LRRC4C: variants seen among roughly 807,000 people sequenced by gnomAD.
The protein encoded by LRRC4C is leucine rich repeat containing 4C, also known as leucine-rich repeat-containing protein 4C.
Under a neutral mutation model 33.6 loss-of-function variants are expected in LRRC4C, and 5 were observed. That is an observed-to-expected ratio of 0.15 (90% CI 0.08 to 0.31). LRRC4C has a LOEUF of 0.31. Among genes scored for constraint, LRRC4C ranks in the 10% least tolerant of loss-of-function variants. The pLI is 1.00. For missense variants in LRRC4C, 560 were observed against 796.7 expected (o/e 0.70, Z 3.58); for synonymous variants, 329 against 302.0 (o/e 1.09, Z -0.93).
At chr11:41,095,492 A>T (rs997993180) in intron 1 of LRRC4C, among the ~76,000 whole-genome samples, 1 of 152,190 alleles carries the variant, frequency 6.6e-6, no homozygotes, top group African/African-American at 2.4e-5. Context: ...ACTCTTCTCC[A>T]TGGGAAGAAA....
chr11:41,123,254 ATGTTTTGTTTTTTTTT>A (rs1565403956), intron 1 of LRRC4C, among the ~76,000 whole-genome samples: 2 of 84,978 alleles, frequency 2.4e-5, no homozygotes, highest in South Asian at 4.1e-4. Flanking sequence ...ATCCTGAGCT[ATGTTTTGTTTTTTTTT>A]TTTTTTTTTT....
At chr11:40,571,533 G>C (rs141687420) in intron 3 of LRRC4C, among the ~76,000 whole-genome samples, 1 of 152,060 alleles carries the variant, frequency 6.6e-6, no homozygotes, top group Non-Finnish European at 1.5e-5. Flanking sequence ...CAAAGGAACC[G>C]TCTACAACTA....
At chr11:41,233,660 T>C (rs1947898066) in intron 1 of LRRC4C, among the ~76,000 whole-genome samples, 1 of 152,048 alleles carries the variant, frequency 6.6e-6, no homozygotes, top group Admixed American at 6.6e-5. Flanking sequence ...TCAATAGCTG[T>C]ACATTTTTAT....
chr11:40,871,277 G>T (rs1474951837), intron 2 of LRRC4C, among the ~76,000 whole-genome samples: 2 of 152,122 alleles, frequency 1.3e-5, no homozygotes, highest in East Asian at 3.9e-4. Flanking sequence ...ACCTTGTGAA[G>T]CCTGTGATCT....
chr11:41,044,734 A>G (rs189355675), intron 1 of LRRC4C, among the ~76,000 whole-genome samples: 1 of 152,244 alleles, frequency 6.6e-6, no homozygotes. Flanking sequence ...AGTGGAGAAA[A>G]CTGTCTTCAA....
intron 1 of LRRC4C, among the ~76,000 whole-genome samples, chr11:41,127,418 ATTATG>A (rs1245963494): frequency 6.6e-6 from 1 of 152,088 alleles, no homozygotes; most frequent in African/African-American, 2.4e-5. Flanking sequence ...ATATGGAAGT[ATTATG>A]TTATAATTCA....
intron 2 of LRRC4C, among the ~76,000 whole-genome samples, chr11:40,705,876 T>G (rs927553990): frequency 6.6e-6 from 1 of 152,136 alleles, no homozygotes; most frequent in African/African-American, 2.4e-5. Flanking sequence ...TGTTGTTTCC[T>G]GACTTTTTAA....
intron 3 of LRRC4C, among the ~76,000 whole-genome samples, chr11:40,510,899 A>C (rs17406814): frequency 0.14 from 21,475 of 152,208 alleles, 1,934 homozygotes; most frequent in Non-Finnish European, 0.2. Context: ...ATTGGGCAAA[A>C]ATTTTTGAAA....
At chr11:40,462,212 C>A (rs547338443) in intron 3 of LRRC4C, among the ~76,000 whole-genome samples, 2 of 151,996 alleles carry the variant, frequency 1.3e-5, no homozygotes, top group African/African-American at 4.8e-5. Flanking sequence ...ACTAAACATT[C>A]TTTCTATTCA....
chr11:40,138,593 G>C (rs1408581197), intron 6 of LRRC4C, among the ~76,000 whole-genome samples: 2 of 152,200 alleles, frequency 1.3e-5, no homozygotes, highest in Non-Finnish European at 2.9e-5. Context: ...CTGTGGTGGG[G>C]CCTGAACTTG....
intron 1 of LRRC4C, among the ~76,000 whole-genome samples, chr11:41,331,767 A>C (rs1951302282): frequency 6.6e-6 from 1 of 152,194 alleles, no homozygotes; most frequent in African/African-American, 2.4e-5. Context: ...TACAGCCTAA[A>C]TATTGGGCAC....
intron 2 of LRRC4C, among the ~76,000 whole-genome samples, chr11:40,756,486 A>T (rs1948953165): frequency 6.6e-6 from 1 of 152,026 alleles, no homozygotes; most frequent in Non-Finnish European, 1.5e-5. Context: ...GCTGCCAGGG[A>T]TTTAAAAAGT....
intron 2 of LRRC4C, among the ~76,000 whole-genome samples, chr11:40,662,462 A>C (rs1487604524): frequency 6.6e-6 from 1 of 152,178 alleles, no homozygotes; most frequent in Non-Finnish European, 1.5e-5. Flanking sequence ...AGACCCTTAA[A>C]AAAGAGTTTG....
At chr11:40,567,009 A>T (rs1957793162) in intron 3 of LRRC4C, among the ~76,000 whole-genome samples, 2 of 152,228 alleles carry the variant, frequency 1.3e-5, no homozygotes, top group East Asian at 3.9e-4. Context: ...ATTTTGTATA[A>T]TAAATGGTGT....
intron 3 of LRRC4C, among the ~76,000 whole-genome samples, chr11:40,405,124 C>T (rs1443799169): frequency 6.6e-6 from 1 of 151,740 alleles, no homozygotes; most frequent in Middle Eastern, 3.2e-3. Flanking sequence ...GTTGTATTCT[C>T]TCTACATATA....
chr11:41,276,749 T>C (rs1434616054), intron 1 of LRRC4C, among the ~76,000 whole-genome samples: 1 of 152,226 alleles, frequency 6.6e-6, no homozygotes, highest in Admixed American at 6.5e-5. Flanking sequence ...GTACACCCAA[T>C]GTAATCACAA....
chr11:40,974,828 A>T (rs899990778), intron 1 of LRRC4C, among the ~76,000 whole-genome samples: 1 of 152,184 alleles, frequency 6.6e-6, no homozygotes, highest in African/African-American at 2.4e-5. Flanking sequence ...TTGCACTTGG[A>T]GCTAGGACAC....
intron 1 of LRRC4C, among the ~76,000 whole-genome samples, chr11:41,034,352 A>C (rs556951753): frequency 6.6e-6 from 1 of 151,248 alleles, no homozygotes; most frequent in Non-Finnish European, 1.5e-5. Flanking sequence ...AAAACTGTAC[A>C]AAAAGAAATT....
chr11:41,022,453 G>A (rs1856051723), intron 1 of LRRC4C, among the ~76,000 whole-genome samples: 1 of 151,890 alleles, frequency 6.6e-6, no homozygotes, highest in African/African-American at 2.4e-5. Flanking sequence ...GCTGGACTAT[G>A]TGTTTCGAGG....
Sources: allele counts gnomAD v4.1 joint callset (sites outside exome capture counted in the v4.1 genomes callset), GRCh38; gene constraint gnomAD v4.1.1; transcripts MANE v1.5; gene names NCBI Gene and HGNC (gene_info 2026-07-23, HGNC 2026-07-21).